HTT: variants seen among roughly 807,000 people sequenced by gnomAD.
HTT encodes huntington disease protein.
In HTT, 104 loss-of-function variants were observed where a neutral mutation model predicts 362.3. The ratio of observed to expected loss-of-function variants is 0.29; its 90% CI spans 0.24 to 0.34. HTT has a LOEUF of 0.34. Among genes scored for constraint, HTT ranks in the 10% least tolerant of loss-of-function variants. HTT has a pLI of 1.00. For missense variants in HTT, 3,301 were observed against 3,928.6 expected, an observed-to-expected ratio of 0.84 and a Z score of 4.27; for synonymous variants, 1,577 against 1,548.7, an observed-to-expected ratio of 1.02 and a Z score of -0.43.
intron 2 of HTT, among the ~76,000 whole-genome samples, chr4:3,094,907 G>A (rs1713758638): frequency 2.0e-5 from 3 of 151,766 alleles, no homozygotes; most frequent in Admixed American, 2.0e-4. Flanking sequence ...GCCGGGCAGA[G>A]GTGCTCTTCA....
chr4:3,156,915 A>G (rs749843398), intron 27 of HTT, among the ~76,000 whole-genome samples, 157 bp from the exon 28 acceptor site: 22 of 152,216 alleles, frequency 1.4e-4, no homozygotes, highest in South Asian at 4.1e-4. Flanking sequence ...TTGTTAGTCA[A>G]TTTCTCATTA....
intron 35 of HTT, 141 bp from the exon 36 acceptor site, chr4:3,180,374 C>T (rs113055846): frequency 1.6e-5 from 10 of 607,644 alleles, no homozygotes; most frequent in African/African-American, 1.3e-4. Flanking sequence ...TGATTGATAA[C>T]CTTAATTCAT....
intron 40 of HTT, among the ~76,000 whole-genome samples, chr4:3,193,212 C>A (rs1193556665): frequency 1.3e-5 from 2 of 152,264 alleles, no homozygotes; most frequent in Non-Finnish European, 2.9e-5. Context: ...ACCCTCCGCA[C>A]AGGCCATGGC....
chr4:3,205,101 G>T (rs1407254991), intron 42 of HTT, among the ~76,000 whole-genome samples: 2 of 152,102 alleles, frequency 1.3e-5, no homozygotes, highest in Non-Finnish European at 2.9e-5. Flanking sequence ...ACTTGTGGGA[G>T]TTTTTAACCA....
At position 3,099,316 on chromosome 4, in the gene HTT, A is replaced by G. The variant is rs773562747; in HGVS notation, c.390A>G (p.Glu130=). 9.3e-6 allele frequency: 15 copies of G among 1,614,084 alleles called. No homozygotes were observed. The highest frequency in any genetic ancestry group is 1.2e-5 in the Non-Finnish European group (14 of 1,179,976). The change falls in exon 3 of 67, where the codon GAA becomes GAG. Residue 130 remains glutamate, a synonymous_variant. Coordinates refer to ENST00000355072, the MANE Select transcript of HTT (RefSeq NM_001388492.1). ...EFQKLLGIAM[E]LFLLCSDDAE... is the part of the protein sequence containing the mutation. ...AGAAACTTCTGGGCATCGCTATGGA[A>G]CTTTTTCTGCTGTGCAGTGATGACG...
At chr4:3,238,385 G>A (rs902660470) in intron 64 of HTT, 62 bp from the exon 65 acceptor site, 4 of 1,330,156 alleles carry the variant, frequency 3.0e-6, no homozygotes, top group African/African-American at 2.9e-5. Context: ...AAGGCCCTCC[G>A]CGGGCAGGTG....
intron 2 of HTT, among the ~76,000 whole-genome samples, chr4:3,096,427 A>G (rs1323231258): frequency 1.3e-5 from 2 of 152,264 alleles, no homozygotes; most frequent in Admixed American, 6.5e-5. Context: ...CACTCTCTCA[A>G]GTGCTCACAG....
intron 61 of HTT, among the ~76,000 whole-genome samples, chr4:3,233,950 C>T (rs931758305): frequency 1.3e-5 from 2 of 152,228 alleles, no homozygotes; most frequent in Non-Finnish European, 2.9e-5. Context: ...GAGATGGGCC[C>T]AGCCTCTCTG....
chr4:3,114,162 C>T (rs1005327898), intron 6 of HTT, among the ~76,000 whole-genome samples: 5 of 152,192 alleles, frequency 3.3e-5, no homozygotes, highest in East Asian at 1.9e-4. Context: ...GCTAGTTAAC[C>T]GCAGCAGGAG....
intron 31 of HTT, among the ~76,000 whole-genome samples, chr4:3,173,566 A>G (rs1385298307): frequency 5.9e-5 from 9 of 152,240 alleles, no homozygotes; most frequent in Admixed American, 5.9e-4. Flanking sequence ...ATAGCAGCAC[A>G]GTAGTGCTGG....
At position 3,121,216 on chromosome 4, in the gene HTT, C is replaced by T; in HGVS notation, c.1069-12C>T. 6.2e-7 allele frequency: 1 copy of T among 1,605,634 alleles called. No homozygotes were observed. The highest frequency in any genetic ancestry group is 1.1e-5 in the South Asian group (1 of 90,848). Reference sequence around the variant, plus strand: ...AACTCTGACCAGAACACCTGTGTTTCTCTGTTTCTAGGTTTATGAACTGAC... The same window carrying T: ...AACTCTGACCAGAACACCTGTGTTTTTCTGTTTCTAGGTTTATGAACTGAC... On this transcript the variant is annotated splice_polypyrimidine_tract_variant and intron_variant, in intron 8 of 66. Transcript: ENST00000355072.
chr4:3,236,699 G>A (rs1393348214), intron 64 of HTT, among the ~76,000 whole-genome samples: 1 of 152,206 alleles, frequency 6.6e-6, no homozygotes, highest in South Asian at 2.1e-4. Context: ...GCAGCGGCAG[G>A]AGGATGAAGG....
rs117913800 is a variant in HTT, at chr4:3,160,634, G to A, written c.3864+242G>A. Among the ~76,000 whole-genome samples the A allele has an allele frequency of 4.6e-5, 7 of 152,270 alleles. No individual in the cohort carries two copies. In the East Asian group the frequency reaches 1.2e-3, roughly 25 times the overall value. On this transcript the variant is annotated intron_variant, in intron 29 of 66. Transcript: ENST00000355072. Reference sequence around the variant, plus strand: ...CATGTATTAGCTTAGACCCAGTTTAGTTTGGAAAATCAGTGGGTTTCAAAA... The same window carrying A: ...CATGTATTAGCTTAGACCCAGTTTAATTTGGAAAATCAGTGGGTTTCAAAA...
chr4:3,074,897 G>A lies in HTT; in HGVS notation c.72G>A (p.Gln24=), dbSNP rs1578474997. ...LKSFQQQQQQ[Q]QQQQQQQQQQ... ...CCTTCCAGCAGCAGCAGCAGCAGCA[G>A]CAGCAGCAGCAGCAGCAGCAGCAGC... is the stretch of plus-strand genomic sequence containing the variant. The change falls in exon 1 of 67, where the codon CAG becomes CAA. Residue 24 remains glutamine, a synonymous_variant. Coordinates refer to ENST00000355072, the MANE Select transcript of HTT (RefSeq NM_001388492.1). The A allele has an allele frequency of 4.1e-6, 6 of 1,471,624 alleles. No homozygotes were observed. The highest frequency in any genetic ancestry group is 3.0e-5 in the African/African-American group (2 of 66,436). The allele number at this position is 1,471,624 out of a possible 1,614,324, so 91.2% of individuals were successfully genotyped here.
At chr4:3,111,205 T>C (rs956307743) in intron 6 of HTT, among the ~76,000 whole-genome samples, 1 of 150,980 alleles carries the variant, frequency 6.6e-6, no homozygotes, top group African/African-American at 2.4e-5. Flanking sequence ...TTTTTTTTTT[T>C]TTTTTTGAGA....
intron 8 of HTT, 73 bp from the exon 9 acceptor site, chr4:3,121,155 A>T: frequency 8.7e-7 from 1 of 1,143,894 alleles, no homozygotes. Flanking sequence ...TCCTATTAAA[A>T]ACAACAAAAA....
At chr4:3,199,065 C>T (rs567503819) in intron 40 of HTT, among the ~76,000 whole-genome samples, 1 of 152,316 alleles carries the variant, frequency 6.6e-6, no homozygotes, top group East Asian at 1.9e-4. Flanking sequence ...CTGTGGGGGC[C>T]CCGCTGTGGC....
chr4:3,131,227 C>T (rs1715797669), intron 14 of HTT, 59 bp from the exon 15 acceptor site: 2 of 1,216,726 alleles, frequency 1.6e-6, no homozygotes. Context: ...GTTGAATGAA[C>T]TAATGCATGA....
Position 3,241,303 on chromosome 4 carries a change from G to A in HTT, c.*1244G>A, listed in dbSNP as rs1433521082. On this transcript the variant is annotated 3_prime_UTR_variant, in exon 67 of 67. Transcript: ENST00000355072. ...ACGGTGACCCCTTTTAGTCAGGAGA[G>A]TGCAGATCTGTGCTCATCGGAGACT... 1 of 152,398 alleles carries A rather than the reference G, an allele frequency of 6.6e-6. No homozygotes were observed. The highest frequency in any genetic ancestry group is 1.5e-5 in the Non-Finnish European group (1 of 68,114). 9.4% of individuals were successfully genotyped at this position (152,398 alleles called of 1,614,324 possible). A position where few individuals can be genotyped will look rare whatever the true frequency, so the allele number is the denominator to read the frequency against.
Sources: gnomAD v4.1 joint callset for allele counts (sites outside exome capture counted in the v4.1 genomes callset) on GRCh38, gnomAD v4.1.1 for gene constraint, MANE v1.5 for transcripts, NCBI Gene and HGNC (gene_info 2026-07-23, HGNC 2026-07-21) for gene names.